PRR16: variants seen among roughly 807,000 people sequenced by gnomAD.
The protein encoded by PRR16 is proline rich 16.
PRR16 carries 6 observed loss-of-function variants against 18.2 expected under a neutral mutation model. The ratio of observed to expected loss-of-function variants is 0.33; its 90% CI spans 0.18 to 0.65. The LOEUF (loss-of-function observed/expected upper bound fraction) is 0.65. PRR16 is among the 30% of genes least tolerant of loss of function. The probability of loss-of-function intolerance (pLI) is 0.74; values close to 1 mark genes in which losing one functional copy is unlikely to be tolerated. For synonymous variants in PRR16, 151 were observed against 147.8 expected (o/e 1.02, Z -0.16); for missense variants, 412 against 376.6 (o/e 1.09, Z -0.78).
chr5:120,736,033 G>A, the PRR16 span, among the ~76,000 whole-genome samples: 2 of 152,274 alleles, frequency 1.3e-5, no homozygotes, highest in Non-Finnish European at 1.5e-5. Flanking sequence ...TCTTTTGGAT[G>A]TGGATACTCA....
intron 1 of PRR16, among the ~76,000 whole-genome samples, chr5:120,556,227 T>G (rs995946823): frequency 5.1e-5 from 7 of 138,042 alleles, no homozygotes; most frequent in Non-Finnish European, 1.1e-4. Context: ...CAGGGTCAAT[T>G]TCATTGTTTT....
rs946470758 is a variant in PRR16, at chr5:120,464,547, GCCT to G, written c.64_66del (p.Ser22del). 6.3e-7 allele frequency: 1 copy of G among 1,591,594 alleles called. No homozygotes were observed. Among genetic ancestry groups the G allele is most frequent in the African/African-American group, 1.3e-5 (1 of 74,844 alleles). On this transcript the variant is annotated inframe_deletion, in exon 1 of 2. Transcript: ENST00000407149. ...CTGTCCAGCCGAGGGACCGCCGGCA[GCCT>G]CCAAAACCAAGGTGAAGGAACAGAT...
At chr5:120,719,363 T>A in the PRR16 span, among the ~76,000 whole-genome samples, 1 of 152,076 alleles carries the variant, frequency 6.6e-6, no homozygotes, top group African/African-American at 2.4e-5. Context: ...GAAAATATTT[T>A]ACTCTAAGGT....
At chr5:120,637,795 A>G (rs1211012176) in intron 1 of PRR16, among the ~76,000 whole-genome samples, 1 of 152,168 alleles carries the variant, frequency 6.6e-6, no homozygotes, top group Non-Finnish European at 1.5e-5. Context: ...CATTCATGCC[A>G]CCACACTCCA....
At chr5:120,677,757 G>A (rs1407167739) in intron 1 of PRR16, among the ~76,000 whole-genome samples, 2 of 151,868 alleles carry the variant, frequency 1.3e-5, no homozygotes, top group African/African-American at 4.8e-5. Flanking sequence ...TGTTCTTAAG[G>A]CAATTGAATT....
chr5:120,686,743 T>A lies in PRR16; in HGVS notation c.*34T>A. 1 of 1,379,254 alleles carries A rather than the reference T, an allele frequency of 7.3e-7. No individual in the cohort carries two copies. Among genetic ancestry groups the A allele is most frequent in the Non-Finnish European group, 9.5e-7 (1 of 1,048,516 alleles). 85.4% of individuals were successfully genotyped at this position (1,379,254 alleles called of 1,614,324 possible). On this transcript the variant is annotated 3_prime_UTR_variant, in exon 2 of 2. Transcript: ENST00000407149. ...ATTAAAAAAATTGTTTTTTTAATTT[T>A]CTATATTATAAACATAAAATAAGTA...
chr5:120,528,689 G>A (rs973188632), intron 1 of PRR16, among the ~76,000 whole-genome samples: 11 of 152,116 alleles, frequency 7.2e-5, no homozygotes, highest in Admixed American at 3.9e-4. Context: ...ATCCAGAGGT[G>A]ATTTATGGAA....
At chr5:120,541,426 G>A (rs867121006) in intron 1 of PRR16, among the ~76,000 whole-genome samples, 3 of 152,184 alleles carry the variant, frequency 2.0e-5, no homozygotes, top group Admixed American at 6.5e-5. Context: ...GATTACAGGC[G>A]TGAGCCACTG....
At chr5:120,537,404 C>T (rs114819521) in intron 1 of PRR16, among the ~76,000 whole-genome samples, 2,124 of 152,164 alleles carry the variant, frequency 0.014, 50 homozygotes, top group African/African-American at 0.048. Flanking sequence ...CTTAATTTGC[C>T]ACCATATAAA....
chr5:120,761,071 T>TTATACATATA, the PRR16 span, among the ~76,000 whole-genome samples: 2 of 151,910 alleles, frequency 1.3e-5, no homozygotes, highest in African/African-American at 4.8e-5. Context: ...TTAACATTTC[T>TTATACATATA]AATTGTCTTA....
At chr5:120,674,927 T>A (rs1270194359) in intron 1 of PRR16, among the ~76,000 whole-genome samples, 1 of 152,082 alleles carries the variant, frequency 6.6e-6, no homozygotes, top group Non-Finnish European at 1.5e-5. Flanking sequence ...CCAATTTTTT[T>A]ATTTTATTGC....
At chr5:120,591,169 C>T (rs1337809381) in intron 1 of PRR16, among the ~76,000 whole-genome samples, 1 of 151,880 alleles carries the variant, frequency 6.6e-6, no homozygotes, top group Non-Finnish European at 1.5e-5. Context: ...ATCCCAGCTA[C>T]TCGGGAGGCT....
intron 1 of PRR16, among the ~76,000 whole-genome samples, chr5:120,603,541 T>G (rs972270667): frequency 3.0e-4 from 45 of 152,058 alleles, no homozygotes; most frequent in Admixed American, 2.7e-3. Context: ...ATGTGGATAT[T>G]CTTGTCTCAA....
chr5:120,657,117 C>T (rs1432871072), intron 1 of PRR16, among the ~76,000 whole-genome samples: 2 of 151,916 alleles, frequency 1.3e-5, no homozygotes, highest in Non-Finnish European at 2.9e-5. Flanking sequence ...TTTTAACTTG[C>T]TGAGTTCTTA....
chr5:120,578,312 A>G (rs1416881512), intron 1 of PRR16, among the ~76,000 whole-genome samples: 1 of 152,200 alleles, frequency 6.6e-6, no homozygotes, highest in Non-Finnish European at 1.5e-5. Flanking sequence ...ATACATATGT[A>G]GAACGTGGAG....
intron 1 of PRR16, among the ~76,000 whole-genome samples, chr5:120,554,763 A>G (rs926257897): frequency 4.6e-5 from 7 of 151,982 alleles, no homozygotes; most frequent in African/African-American, 7.2e-5. Flanking sequence ...TAATAGGACA[A>G]TAATCTGAAG....
At chr5:120,488,034 A>C (rs546037682) in intron 1 of PRR16, among the ~76,000 whole-genome samples, 4,136 of 152,128 alleles carry the variant, frequency 0.027, 53 homozygotes, top group East Asian at 0.033. Flanking sequence ...TTCATGTGCT[A>C]CTGTATTTGG....
At chr5:120,528,240 A>G (rs1318215062) in intron 1 of PRR16, among the ~76,000 whole-genome samples, 1 of 152,188 alleles carries the variant, frequency 6.6e-6, no homozygotes, top group Non-Finnish European at 1.5e-5. Flanking sequence ...GGACAAAAAT[A>G]CTTAGCTTTT....
At chr5:120,704,102 C>A in the PRR16 span, among the ~76,000 whole-genome samples, 1 of 152,134 alleles carries the variant, frequency 6.6e-6, no homozygotes, top group Non-Finnish European at 1.5e-5. Context: ...GAAGCTTTCT[C>A]TTAAGAGAAC....
Sources: allele counts gnomAD v4.1 joint callset (sites outside exome capture counted in the v4.1 genomes callset), GRCh38; gene constraint gnomAD v4.1.1; transcripts MANE v1.5; gene names NCBI Gene and HGNC (gene_info 2026-07-23, HGNC 2026-07-21).